MYO5B: variants seen among roughly 807,000 people sequenced by gnomAD.
MYO5B encodes myosin VB.
In MYO5B, 143 loss-of-function variants were observed where a neutral mutation model predicts 229.3. That is an observed-to-expected ratio of 0.62 (90% CI 0.54 to 0.72). The LOEUF is 0.72. MYO5B is among the 30% of genes least tolerant of loss of function. MYO5B has a pLI of 0.00. For missense variants in MYO5B, 2,321 were observed against 2,331.0 expected (o/e 1.00, Z 0.09); for synonymous variants, 918 against 885.2 (o/e 1.04, Z -0.66).
At chr18:49,957,682 C>G (rs1470886145) in intron 12 of MYO5B, among the ~76,000 whole-genome samples, 1 of 120,874 alleles carries the variant, frequency 8.3e-6, no homozygotes, top group Admixed American at 8.3e-5. Flanking sequence ...CAAAAAAAGC[C>G]AAAAAAAAAA....
intron 1 of MYO5B, among the ~76,000 whole-genome samples, chr18:50,143,575 T>A (rs2032451239): frequency 6.6e-6 from 1 of 152,168 alleles, no homozygotes. Context: ...CACCAATATT[T>A]ATCTGGATAT....
At chr18:50,157,728 G>A (rs1288878730) in intron 1 of MYO5B, among the ~76,000 whole-genome samples, 1 of 152,108 alleles carries the variant, frequency 6.6e-6, no homozygotes, top group Non-Finnish European at 1.5e-5. Context: ...TTTCACCAGT[G>A]CCCAGCAAAC....
intron 2 of MYO5B, among the ~76,000 whole-genome samples, chr18:50,045,151 G>C (rs1277222796): frequency 6.6e-6 from 1 of 152,120 alleles, no homozygotes; most frequent in Non-Finnish European, 1.5e-5. Context: ...TGTATGCCTA[G>C]TTTATAGGAG....
chr18:50,174,276 GACAA>G (rs2032962725), intron 1 of MYO5B, among the ~76,000 whole-genome samples: 2 of 152,148 alleles, frequency 1.3e-5, no homozygotes, highest in Admixed American at 1.3e-4. Context: ...TTCCTTTGGA[GACAA>G]ACAAGCTACT....
At chr18:49,996,120 C>A (rs2025984577) in intron 5 of MYO5B, among the ~76,000 whole-genome samples, 1 of 152,200 alleles carries the variant, frequency 6.6e-6, no homozygotes, top group Admixed American at 6.5e-5. Context: ...TATCTGAGAT[C>A]ATTCCTTGTG....
chr18:49,859,534 C>T (rs909089437), intron 29 of MYO5B, among the ~76,000 whole-genome samples: 1 of 152,180 alleles, frequency 6.6e-6, no homozygotes, highest in African/African-American at 2.4e-5. Flanking sequence ...TTCTATTCAA[C>T]CTCCTAGCAT....
Position 50,127,047 on chromosome 18 carries a change from A to T in MYO5B, c.27+67720T>A, listed in dbSNP as rs111724793. Among the ~76,000 whole-genome samples the T allele has an allele frequency of 7.9e-4, 121 of 152,246 alleles. 1 individual carries two copies. Among genetic ancestry groups the T allele is most frequent in the South Asian group, 6.8e-3 (33 of 4,824 alleles). On this transcript the variant is annotated intron_variant, in intron 1 of 39. Transcript: ENST00000285039. ...TCATAATCATTATTACCTTATTCCA[A>T]CCTCATAAGACCCAAGAGGCAGGTG... is the stretch of plus-strand genomic sequence containing the variant.
At chr18:50,143,749 C>T (rs1347501805) in intron 1 of MYO5B, among the ~76,000 whole-genome samples, 1 of 152,124 alleles carries the variant, frequency 6.6e-6, no homozygotes, top group Non-Finnish European at 1.5e-5. Flanking sequence ...CGGATGGGCA[C>T]CATGAAAGGC....
chr18:49,964,460 C>T (rs1310128832), intron 10 of MYO5B, among the ~76,000 whole-genome samples: 3 of 152,104 alleles, frequency 2.0e-5, no homozygotes, highest in South Asian at 2.1e-4. Flanking sequence ...AGATGGAGGA[C>T]ATTTTCATCA....
chr18:49,901,999 C>T (rs986248949), intron 21 of MYO5B, among the ~76,000 whole-genome samples: 7 of 152,266 alleles, frequency 4.6e-5, no homozygotes, highest in Non-Finnish European at 1.0e-4. Flanking sequence ...CCCTATGTCA[C>T]CCCTGCAAGG....
intron 22 of MYO5B, among the ~76,000 whole-genome samples, chr18:49,887,865 T>A (rs993986488): frequency 1.3e-5 from 2 of 152,050 alleles, no homozygotes; most frequent in Admixed American, 1.3e-4. Flanking sequence ...TTTGTTGTAT[T>A]TTTAGTAGAG....
chr18:49,969,666 G>A (rs1476257956), intron 10 of MYO5B: 2 of 152,194 alleles, frequency 1.3e-5, no homozygotes, highest in Non-Finnish European at 2.9e-5. Flanking sequence ...ATAGGCATGA[G>A]CCACCGCGCC....
chr18:50,194,713 G>T, intron 1 of MYO5B, 54 bp downstream of exon 1: 1 of 1,286,794 alleles, frequency 7.8e-7, no homozygotes, highest in Non-Finnish European at 1.1e-6. Context: ...AGTACTAGGT[G>T]GCCCCGAGCG....
intron 21 of MYO5B, among the ~76,000 whole-genome samples, chr18:49,896,319 A>G (rs755616794): frequency 3.3e-5 from 5 of 152,286 alleles, no homozygotes; most frequent in Non-Finnish European, 5.9e-5. Context: ...TTACAACCTG[A>G]CACACCTTCA....
At chr18:49,862,308 G>A (rs1031017218) in intron 29 of MYO5B, among the ~76,000 whole-genome samples, 3 of 152,058 alleles carry the variant, frequency 2.0e-5, no homozygotes, top group Admixed American at 6.6e-5. Flanking sequence ...AGACAGCTCC[G>A]TTTTTATAGG....
At chr18:50,068,042 T>C (rs528786926) in intron 1 of MYO5B, among the ~76,000 whole-genome samples, 2 of 82,656 alleles carry the variant, frequency 2.4e-5, no homozygotes, top group Admixed American at 1.7e-4. Context: ...TATACACACA[T>C]ATACACACAC....
chr18:49,855,015 A>G (rs920340049), intron 30 of MYO5B, among the ~76,000 whole-genome samples: 3 of 152,224 alleles, frequency 2.0e-5, no homozygotes, highest in African/African-American at 7.2e-5. Flanking sequence ...TACTAAAGAA[A>G]AATAACATGA....
At chr18:50,032,049 AC>A in intron 4 of MYO5B, among the ~76,000 whole-genome samples, 1 of 152,230 alleles carries the variant, frequency 6.6e-6, no homozygotes. Context: ...CCCAAAGTTC[AC>A]CCCAGCCTGC....
intron 17 of MYO5B, among the ~76,000 whole-genome samples, chr18:49,927,467 C>A (rs955422375): frequency 2.6e-5 from 4 of 151,966 alleles, no homozygotes; most frequent in Non-Finnish European, 5.9e-5. Context: ...AAACCCAAAT[C>A]TGGACACAAT....
Sources: gnomAD v4.1 joint callset for allele counts (sites outside exome capture counted in the v4.1 genomes callset) on GRCh38, gnomAD v4.1.1 for gene constraint, MANE v1.5 for transcripts, NCBI Gene and HGNC (gene_info 2026-07-23, HGNC 2026-07-21) for gene names.